Variants in LAMC3 observed in about 807,000 individuals in gnomAD.
The protein encoded by LAMC3 is laminin subunit gamma 3.
In LAMC3, 128 loss-of-function variants were observed where a neutral mutation model predicts 173.8. That is an observed-to-expected ratio of 0.74 (90% CI 0.64 to 0.85). LAMC3 has a LOEUF of 0.85. Among genes scored for constraint, LAMC3 ranks in the 40% least tolerant of loss-of-function variants. The pLI, the probability that LAMC3 is intolerant of heterozygous loss-of-function variation, is 0.00. For synonymous variants in LAMC3, 897 were observed against 909.1 expected (o/e 0.99, Z 0.24); for missense variants, 2,022 against 2,156.0 (o/e 0.94, Z 1.23).
rs79425651 is a variant in LAMC3 at position 131,032,466 on chromosome 9, C to T, written c.809+291C>T. 6.0e-3 allele frequency among the ~76,000 whole-genome samples: 899 copies of T among 151,026 alleles called. 6 individuals are homozygous for T. Among genetic ancestry groups the T allele is most frequent in the African/African-American group, 0.02 (847 of 41,354 alleles). On this transcript the variant is annotated intron_variant, in intron 3 of 27. Coordinates refer to ENST00000361069, the MANE Select transcript of LAMC3 (RefSeq NM_006059.4). The stretch of plus-strand genomic sequence containing the variant: ...CCCTCCCTCCCTCCCTTCCTCCCTT[C>T]GCTCTCGCTCTCTTTCTCTCGCTCT...
intron 1 of LAMC3, among the ~76,000 whole-genome samples, chr9:131,024,624 G>A (rs1833686527): frequency 6.6e-6 from 1 of 152,138 alleles, no homozygotes; most frequent in Admixed American, 6.5e-5. Flanking sequence ...CTTCTGTGCT[G>A]CTCTGGGAAG....
chr9:131,080,700 C>CTG (rs1830223506), intron 23 of LAMC3, among the ~76,000 whole-genome samples: 6 of 152,084 alleles, frequency 3.9e-5, no homozygotes, highest in Non-Finnish European at 7.4e-5. Flanking sequence ...CCCGGGGTAG[C>CTG]ACCTGCTGAT....
chr9:131,080,969 C>T (rs946443683), intron 23 of LAMC3, among the ~76,000 whole-genome samples: 2 of 152,328 alleles, frequency 1.3e-5, no homozygotes, highest in East Asian at 1.9e-4. Context: ...GGCTTTAGCA[C>T]GTTCACGATG....
chr9:131,068,033 A>G (rs1325365031), intron 14 of LAMC3, 45 bp from the exon 15 acceptor site: 1 of 1,601,082 alleles, frequency 6.2e-7, no homozygotes, highest in African/African-American at 1.3e-5. Flanking sequence ...GTTGGAACAG[A>G]CAATCTGCAT....
intron 13 of LAMC3, among the ~76,000 whole-genome samples, chr9:131,061,434 T>A (rs1369223016): frequency 6.6e-6 from 1 of 152,210 alleles, no homozygotes; most frequent in Non-Finnish European, 1.5e-5. Context: ...GCCAGCAGAA[T>A]TTGGGCCATT....
At chr9:131,072,112 A>G (rs529679984) in intron 18 of LAMC3, among the ~76,000 whole-genome samples, 1 of 128,576 alleles carries the variant, frequency 7.8e-6, no homozygotes, top group African/African-American at 3.0e-5. Flanking sequence ...CGGGCAACAC[A>G]GCAAGACCTT....
Position 131,085,654 on chromosome 9 carries a change from G to T in LAMC3, c.4161G>T (p.Ala1387=). Residue 1387 remains alanine (A), a synonymous_variant, in exon 25 of 28, where the codon GCG becomes GCT. Transcript: ENST00000361069. ...TKQAERMLGN[A]APLSSSAKKK... ...AGGCGGAGAGGATGCTGGGAAACGC[G>T]GCCCCTCTTTCCTCCAGTGCCAAGA... The T allele has an allele frequency of 6.2e-7, 1 of 1,614,186 alleles. No individual in the cohort carries two copies. The highest frequency in any genetic ancestry group is 8.5e-7 in the Non-Finnish European group (1 of 1,180,038).
intron 15 of LAMC3, 58 bp downstream of exon 15, chr9:131,068,289 C>T (rs934289536): frequency 7.7e-6 from 12 of 1,555,204 alleles, no homozygotes; most frequent in East Asian, 2.3e-5. Context: ...AAGAAGGCAT[C>T]GGGCAGCCCC....
At chr9:131,038,215 C>A (rs1240362946) in intron 4 of LAMC3, among the ~76,000 whole-genome samples, 1 of 152,202 alleles carries the variant, frequency 6.6e-6, no homozygotes, top group East Asian at 1.9e-4. Flanking sequence ...GCTGCAGGGG[C>A]CCCTTCTTTC....
intron 13 of LAMC3, among the ~76,000 whole-genome samples, chr9:131,063,693 A>G (rs999354774): frequency 1.3e-5 from 2 of 152,126 alleles, no homozygotes; most frequent in Non-Finnish European, 2.9e-5. Flanking sequence ...CTCCTGCCCT[A>G]TGAGCTGTCC....
At chr9:131,069,976 A>G (rs939342657) in intron 17 of LAMC3, 126 bp downstream of exon 17, 22 of 996,372 alleles carry the variant, frequency 2.2e-5, no homozygotes, top group African/African-American at 1.4e-4. Context: ...CCCACCACCT[A>G]CCTTCTCCCT....
At chr9:131,037,366 G>T (rs77541308) in intron 4 of LAMC3, among the ~76,000 whole-genome samples, 1 of 152,088 alleles carries the variant, frequency 6.6e-6, no homozygotes, top group African/African-American at 2.4e-5. Context: ...CCTGAATTCC[G>T]CCTCATCCAC....
intron 11 of LAMC3, among the ~76,000 whole-genome samples, chr9:131,055,425 T>TTC (rs1338420449): frequency 1.2e-4 from 9 of 74,916 alleles, no homozygotes; most frequent in Non-Finnish European, 1.7e-4. Flanking sequence ...TTTTCTTTCT[T>TTC]TTTTTTTTTT....
chr9:131,074,343 A>G (rs893297839), intron 20 of LAMC3, among the ~76,000 whole-genome samples: 1 of 151,328 alleles, frequency 6.6e-6, no homozygotes, highest in East Asian at 2.0e-4. Flanking sequence ...GAAATGCCAC[A>G]TGTTGTTTAT....
At chr9:131,087,429 C>G in intron 25 of LAMC3, 47 bp from the exon 26 acceptor site, 1 of 1,611,670 alleles carries the variant, frequency 6.2e-7, no homozygotes, top group Non-Finnish European at 8.5e-7. Context: ...TCCAAAAGGA[C>G]TTGCTGCACT....
chr9:131,025,223 C>T (rs915590709), intron 1 of LAMC3, among the ~76,000 whole-genome samples: 4 of 152,164 alleles, frequency 2.6e-5, no homozygotes, highest in African/African-American at 7.2e-5. Flanking sequence ...TATCTCCTAG[C>T]CCTGTGCCTG....
rs1169242935 is a variant in LAMC3 at position 131,009,940 on chromosome 9, G to A, written c.373+353G>A. 6.6e-6 allele frequency among the ~76,000 whole-genome samples: 1 copy of A among 151,860 alleles called. No homozygotes were observed. The highest frequency in any genetic ancestry group is 2.4e-5 in the African/African-American group (1 of 41,344). ...AGGCCGAGGCGGGCGGATCACCTGA[G>A]GTCAGGAGTTCGAGACCAGCCTGGC... On this transcript the variant is annotated intron_variant, in intron 1 of 27. Transcript: ENST00000361069. The surrounding 1 kb of genome is among the most constrained non-coding windows in gnomAD (Gnocchi z 4.3).
chr9:131,067,484 C>T (rs1829960528), intron 14 of LAMC3, among the ~76,000 whole-genome samples: 1 of 152,182 alleles, frequency 6.6e-6, no homozygotes, highest in African/African-American at 2.4e-5. Flanking sequence ...GCAGTCAGCA[C>T]GTATGGCTGA....
chr9:131,017,812 G>C (rs746488169), intron 1 of LAMC3, among the ~76,000 whole-genome samples: 52 of 151,084 alleles, frequency 3.4e-4, no homozygotes, highest in Non-Finnish European at 7.2e-4. Flanking sequence ...GATCACCTTC[G>C]GTCAAGAGTT....
Sources: allele counts gnomAD v4.1 joint callset (sites outside exome capture counted in the v4.1 genomes callset), GRCh38; gene constraint gnomAD v4.1.1; non-coding constraint Gnocchi (gnomAD v3.1); transcripts MANE v1.5; gene names NCBI Gene and HGNC (gene_info 2026-07-23, HGNC 2026-07-21).